Variants in KCTD5 observed in about 807,000 individuals in gnomAD.
KCTD5 encodes the protein BTB/POZ domain-containing protein KCTD5.
Under a neutral mutation model 27.9 loss-of-function variants are expected in KCTD5, and 12 were observed. The ratio of observed to expected loss-of-function variants is 0.43; its 90% CI spans 0.28 to 0.70. KCTD5 has a LOEUF of 0.70. Ranked by LOEUF, KCTD5 falls within the 30% of genes least tolerant of loss-of-function variation. The pLI is 0.19. For missense variants in KCTD5, 226 were observed against 274.8 expected (o/e 0.82, Z 1.26); for synonymous variants, 147 against 121.4 (o/e 1.21, Z -1.39).
chr16:2,686,894 G>C (rs1437163281), intron 1 of KCTD5, among the ~76,000 whole-genome samples: 2 of 152,234 alleles, frequency 1.3e-5, no homozygotes, highest in African/African-American at 4.8e-5. Context: ...GATGGCAGAT[G>C]ATGTTCTGTG....
intron 1 of KCTD5, among the ~76,000 whole-genome samples, chr16:2,691,511 G>A: frequency 6.6e-6 from 1 of 152,238 alleles, no homozygotes; most frequent in East Asian, 1.9e-4. Context: ...GGAGAGGGCT[G>A]TGGGGGCAGC....
intron 1 of KCTD5, among the ~76,000 whole-genome samples, chr16:2,686,635 C>T (rs972387460): frequency 4.3e-5 from 4 of 94,048 alleles, no homozygotes; most frequent in African/African-American, 1.7e-4. Flanking sequence ...GAGAAAACTG[C>T]ACGTGAACTT....
At position 2,708,432 on chromosome 16, in the gene KCTD5, T is replaced by C. The variant is rs1226504451; in HGVS notation, c.*1105T>C. On this transcript the variant is annotated 3_prime_UTR_variant, in exon 6 of 6. Transcript: ENST00000301738. ...GCTTTGAAAACAGACCTTTCTCAGC[T>C]GGCTGTGGGGACCTGTCAGAGTCTG... 2 of 152,574 alleles carry C rather than the reference T, an allele frequency of 1.3e-5. No homozygotes were observed. Among genetic ancestry groups the C allele is most frequent in the African/African-American group, 4.8e-5 (2 of 41,474 alleles). 9.5% of individuals were successfully genotyped at this position (152,574 alleles called of 1,614,324 possible). A position where few individuals can be genotyped will look rare whatever the true frequency, so the allele number is the denominator to read the frequency against.
intron 1 of KCTD5, among the ~76,000 whole-genome samples, chr16:2,693,810 C>A (rs1246442473): frequency 6.7e-6 from 1 of 148,734 alleles, no homozygotes; most frequent in African/African-American, 2.5e-5. Context: ...ATGGCGGCCC[C>A]GAGCTACACG....
intron 5 of KCTD5, 103 bp from the exon 6 acceptor site, chr16:2,707,195 C>G (rs977765365): frequency 4.4e-6 from 5 of 1,144,198 alleles, no homozygotes; most frequent in Non-Finnish European, 6.3e-6. Context: ...CGGGGCTCCC[C>G]GAGCTAACCC....
chr16:2,699,752 T>C (rs1567195522), intron 3 of KCTD5, 69 bp from the exon 4 acceptor site: 1 of 1,468,940 alleles, frequency 6.8e-7, no homozygotes, highest in Admixed American at 1.7e-5. Flanking sequence ...CTGGGTCACC[T>C]GGGCTGGGGC....
chr16:2,691,100 G>C (rs143666262), intron 1 of KCTD5, among the ~76,000 whole-genome samples: 446 of 152,336 alleles, frequency 2.9e-3, no homozygotes, highest in Non-Finnish European at 5.6e-3. Context: ...CTGCCTACAT[G>C]CTTGGAAGCG....
intron 5 of KCTD5, among the ~76,000 whole-genome samples, chr16:2,703,065 C>A (rs914358952): frequency 2.6e-5 from 4 of 152,180 alleles, no homozygotes; most frequent in African/African-American, 9.7e-5. Context: ...GCAGACTCTG[C>A]GGGGGCTCAG....
intron 1 of KCTD5, among the ~76,000 whole-genome samples, chr16:2,688,439 AG>A: frequency 6.6e-6 from 1 of 151,746 alleles, no homozygotes; most frequent in Non-Finnish European, 1.5e-5. Flanking sequence ...TCAGTAGAGA[AG>A]GGGTTTTGCC....
At chr16:2,683,976 C>CGGA (rs1292564665) in intron 1 of KCTD5, 3 of 147,750 alleles carry the variant, frequency 2.0e-5, no homozygotes, top group Non-Finnish European at 4.5e-5. Context: ...CCTGTGCCTC[C>CGGA]CCACAACTTC....
intron 5 of KCTD5, among the ~76,000 whole-genome samples, chr16:2,705,890 C>T (rs371110318): frequency 6.6e-6 from 1 of 152,230 alleles, no homozygotes; most frequent in African/African-American, 2.4e-5. Context: ...GTCTCCTGCC[C>T]TCATCAGGAG....
At chr16:2,704,060 A>G (rs1401552037) in intron 5 of KCTD5, among the ~76,000 whole-genome samples, 5 of 152,226 alleles carry the variant, frequency 3.3e-5, no homozygotes, top group African/African-American at 9.7e-5. Flanking sequence ...AGCTGCAGAA[A>G]GGACACGCTC....
At chr16:2,690,970 C>T (rs930780927) in intron 1 of KCTD5, among the ~76,000 whole-genome samples, 7 of 152,228 alleles carry the variant, frequency 4.6e-5, no homozygotes, top group Non-Finnish European at 8.8e-5. Context: ...AGTGAGCTGC[C>T]GAGGCCCTCG....
rs1051557976 is a variant in KCTD5 at position 2,707,477 on chromosome 16, G to A, written c.*150G>A. ...GTGAATCCTTTTTTGCCTCTGAGGT[G>A]GGTGGTGAGAGACGGGCCCAGCTGT... On this transcript the variant is annotated 3_prime_UTR_variant, in exon 6 of 6. Coordinates refer to ENST00000301738, the MANE Select transcript of KCTD5 (RefSeq NM_018992.4). The A allele has an allele frequency of 1.2e-6, 1 of 854,940 alleles. No homozygotes were observed. The highest frequency in any genetic ancestry group is 1.4e-5 in the South Asian group (1 of 71,862). The allele number at this position is 854,940 out of a possible 1,614,324, so 53.0% of individuals were successfully genotyped here.
At chr16:2,702,304 G>A in intron 4 of KCTD5, 49 bp from the exon 5 acceptor site, 2 of 1,609,212 alleles carry the variant, frequency 1.2e-6, no homozygotes, top group Non-Finnish European at 1.7e-6. Flanking sequence ...AGCCTGGCTG[G>A]GTCTCTCAGG....
intron 1 of KCTD5, among the ~76,000 whole-genome samples, chr16:2,688,481 C>T (rs534457673): frequency 4.9e-4 from 74 of 152,062 alleles, no homozygotes; most frequent in Non-Finnish European, 8.1e-4. Context: ...GAACTCCTGA[C>T]CTCAGGTCAT....
intron 4 of KCTD5, among the ~76,000 whole-genome samples, chr16:2,700,862 C>G (rs755210242): frequency 2.0e-5 from 3 of 152,070 alleles, no homozygotes; most frequent in Non-Finnish European, 4.4e-5. Flanking sequence ...ACCCTGGACC[C>G]CTAGGCCGGG....
chr16:2,687,600 G>T (rs759483681), intron 1 of KCTD5, among the ~76,000 whole-genome samples: 1 of 152,244 alleles, frequency 6.6e-6, no homozygotes, highest in Non-Finnish European at 1.5e-5. Context: ...AAAGGTCACG[G>T]AGTGAGGTCT....
At chr16:2,701,201 A>C (rs2142058228) in intron 4 of KCTD5, among the ~76,000 whole-genome samples, 1 of 152,252 alleles carries the variant, frequency 6.6e-6, no homozygotes, top group East Asian at 1.9e-4. Context: ...CGACCTTAGC[A>C]CTTCTGGGTG....
Sources: gnomAD v4.1 joint callset for allele counts (sites outside exome capture counted in the v4.1 genomes callset) on GRCh38, gnomAD v4.1.1 for gene constraint, MANE v1.5 for transcripts, NCBI Gene and HGNC (gene_info 2026-07-23, HGNC 2026-07-21) for gene names.